Variants in NOL10 observed in about 807,000 individuals in gnomAD.
The protein encoded by NOL10 is H_NH0074G24.1.
In NOL10, 58 loss-of-function variants were observed where a neutral mutation model predicts 103.5. The observed-to-expected ratio is 0.56, with a 90% CI of 0.45 to 0.70. NOL10 has a LOEUF of 0.70. Among genes scored for constraint, NOL10 ranks in the 30% least tolerant of loss-of-function variants. NOL10 has a pLI of 0.00. For synonymous variants in NOL10, 287 were observed against 282.5 expected, an observed-to-expected ratio of 1.02 and a Z score of -0.16; for missense variants, 763 against 807.3, an observed-to-expected ratio of 0.95 and a Z score of 0.67.
Position 10,657,796 on chromosome 2 carries a change from T to G in NOL10, c.852A>C (p.Leu284Phe), listed in dbSNP as rs1259688494. ...PIKSVHFQDS[L>F]DLILSADSRI... ...GAGAGTCAGCAGACAAAATCAGATCTAATGAATCCTGGAAATGAACGGACT... is the reference window on the plus strand; with the variant it reads ...GAGAGTCAGCAGACAAAATCAGATCGAATGAATCCTGGAAATGAACGGACT... The change falls in exon 11 of 21, where the codon TTA becomes TTC. Residue 284 changes from leucine to phenylalanine, a missense_variant. Physicochemically the swap from Leu to Phe is conservative, Grantham distance 22 (BLOSUM62 0). Transcript: ENST00000381685. 13 of 1,551,176 alleles carry G rather than the reference T, an allele frequency of 8.4e-6. No individual in the cohort carries two copies. Among genetic ancestry groups the G allele is most frequent in the Non-Finnish European group, 1.1e-5 (13 of 1,146,702 alleles).
intron 13 of NOL10, among the ~76,000 whole-genome samples, chr2:10,637,901 GTTAAAATA>G (rs1678376095): frequency 6.6e-6 from 1 of 151,812 alleles, no homozygotes; most frequent in Non-Finnish European, 1.5e-5. Context: ...AATGGTAAAT[GTTAAAATA>G]TTTAATCAGT....
At chr2:10,617,966 T>C (rs927905378) in intron 13 of NOL10, among the ~76,000 whole-genome samples, 3 of 151,592 alleles carry the variant, frequency 2.0e-5, no homozygotes, top group Admixed American at 2.0e-4. Context: ...ATGGGGTTTC[T>C]GGTTAGTGTG....
chr2:10,597,162 C>T (rs1361835565), intron 17 of NOL10, among the ~76,000 whole-genome samples: 1 of 152,068 alleles, frequency 6.6e-6, no homozygotes, highest in East Asian at 1.9e-4. Context: ...TTAATGCAAC[C>T]AAAATTTCTG....
intron 12 of NOL10, among the ~76,000 whole-genome samples, chr2:10,654,072 T>C (rs1426069866): frequency 6.6e-6 from 1 of 152,206 alleles, no homozygotes; most frequent in African/African-American, 2.4e-5. Context: ...ACCTATGGCT[T>C]CATGAGCCAT....
intron 13 of NOL10, among the ~76,000 whole-genome samples, chr2:10,614,537 T>C (rs7566767): frequency 0.59 from 89,990 of 152,076 alleles, 27,639 homozygotes; most frequent in African/African-American, 0.74. Flanking sequence ...CATGATCAAA[T>C]CATATTAACA....
rs1362185634 is a variant in NOL10 at position 10,633,615 on chromosome 2, A to C, written c.1026+10705T>G. Among the ~76,000 whole-genome samples, 6 of 152,006 alleles carry C rather than the reference A, an allele frequency of 3.9e-5. No homozygotes were observed. In the East Asian group the frequency reaches 1.2e-3, roughly 29 times the overall value. ...TTTGGTGATCTTTGTAAATAGATTA[A>C]TGCTTAATAGAGATCTATTCTCTGT... is the stretch of plus-strand genomic sequence containing the variant. On this transcript the variant is annotated intron_variant, in intron 13 of 20. Transcript: ENST00000381685.
At chr2:10,661,735 T>C (rs1277469321) in intron 9 of NOL10, among the ~76,000 whole-genome samples, 1 of 152,164 alleles carries the variant, frequency 6.6e-6, no homozygotes, top group African/African-American at 2.4e-5. Flanking sequence ...ACTTACATCA[T>C]CTGCAAATAA....
intron 3 of NOL10, among the ~76,000 whole-genome samples, chr2:10,679,359 C>CAAAA (rs535159833): frequency 4.6e-5 from 5 of 109,382 alleles, no homozygotes; most frequent in African/African-American, 1.6e-4. Context: ...AACTCTGCCT[C>CAAAA]AAAAAAAAAA....
At chr2:10,619,084 T>C (rs1270005968) in intron 13 of NOL10, among the ~76,000 whole-genome samples, 1 of 152,180 alleles carries the variant, frequency 6.6e-6, no homozygotes, top group East Asian at 1.9e-4. Flanking sequence ...TCCTAAAACA[T>C]TTAGGAACAG....
At chr2:10,620,268 T>A (rs1427953206) in intron 13 of NOL10, among the ~76,000 whole-genome samples, 2 of 152,092 alleles carry the variant, frequency 1.3e-5, no homozygotes, top group African/African-American at 4.8e-5. Context: ...AATTTTGAAA[T>A]CTATGTAAAA....
chr2:10,612,738 A>G (rs1246179243), intron 13 of NOL10, among the ~76,000 whole-genome samples: 2 of 152,164 alleles, frequency 1.3e-5, no homozygotes, highest in East Asian at 3.8e-4. Context: ...TCCTGACCTC[A>G]GGTGATCTGC....
intron 13 of NOL10, among the ~76,000 whole-genome samples, chr2:10,639,586 G>A (rs1169487227): frequency 6.6e-6 from 1 of 152,162 alleles, no homozygotes; most frequent in Non-Finnish European, 1.5e-5. Flanking sequence ...GAATTCAGGA[G>A]CATTTCCAAC....
chr2:10,615,921 A>G (rs1676809181), intron 13 of NOL10, among the ~76,000 whole-genome samples: 1 of 152,166 alleles, frequency 6.6e-6, no homozygotes, highest in Non-Finnish European at 1.5e-5. Flanking sequence ...GTATGCCACC[A>G]GGCACAGGTG....
chr2:10,589,779 TTTAAG>T (rs1307751281), intron 17 of NOL10, 28 bp from the exon 18 acceptor site: 3 of 1,374,884 alleles, frequency 2.2e-6, no homozygotes, highest in South Asian at 1.7e-5. Flanking sequence ...TACGTAAAAA[TTTAAG>T]TTAATATCTG....
Position 10,587,150 on chromosome 2 carries a change from C to T in NOL10, c.1844+1893G>A, listed in dbSNP as rs1220088158. On this transcript the variant is annotated intron_variant, in intron 19 of 20. Coordinates refer to ENST00000381685, the MANE Select transcript of NOL10 (RefSeq NM_024894.4). ...ATATACATATATACACATATATATA[C>T]ATATATACACATATATACACATATA... 9.6e-4 allele frequency among the ~76,000 whole-genome samples: 27 copies of T among 28,058 alleles called. 6 individuals carry two copies. The highest frequency in any genetic ancestry group is 4.6e-3 in the African/African-American group (25 of 5,430). The allele number at this position is 28,058 out of a possible 152,430, so 18.4% of individuals were successfully genotyped here.
chr2:10,610,557 C>G (rs1676511775), intron 13 of NOL10, among the ~76,000 whole-genome samples: 1 of 152,290 alleles, frequency 6.6e-6, no homozygotes, highest in Non-Finnish European at 1.5e-5. Flanking sequence ...ACCACCATAA[C>G]AAAGTTGAAA....
chr2:10,663,346 G>A (rs1189363298), intron 8 of NOL10, among the ~76,000 whole-genome samples: 2 of 136,270 alleles, frequency 1.5e-5, no homozygotes, highest in Admixed American at 7.8e-5. Flanking sequence ...CAGTCTGAGC[G>A]ACAGAGCAAG....
At chr2:10,670,771 G>GA (rs1217735866) in intron 6 of NOL10, among the ~76,000 whole-genome samples, 4 of 151,936 alleles carry the variant, frequency 2.6e-5, no homozygotes, top group Non-Finnish European at 2.9e-5. Flanking sequence ...AAAAAAAACA[G>GA]AAAAAACAAA....
intron 8 of NOL10, among the ~76,000 whole-genome samples, chr2:10,663,891 C>T (rs1288191310): frequency 6.7e-6 from 1 of 149,528 alleles, no homozygotes; most frequent in Admixed American, 6.7e-5. Flanking sequence ...CTGGAGCTTG[C>T]AGTGAGCCGA....
Sources: gnomAD v4.1 joint callset for allele counts (sites outside exome capture counted in the v4.1 genomes callset) on GRCh38, gnomAD v4.1.1 for gene constraint, MANE v1.5 for transcripts, NCBI Gene and HGNC (gene_info 2026-07-23, HGNC 2026-07-21) for gene names.